The following PAMR1 variants were observed in gnomAD, a reference collection of about 807,000 sequenced individuals.
The protein encoded by PAMR1 is inactive serine protease PAMR1.
PAMR1 carries 88 observed loss-of-function variants against 81.8 expected under a neutral mutation model. That is an observed-to-expected ratio of 1.08 (90% CI 0.91 to 1.28). The LOEUF is 1.28. Among genes scored for constraint, PAMR1 ranks in the 50% most tolerant of loss-of-function variants. The pLI, the probability that PAMR1 is intolerant of heterozygous loss-of-function variation, is 0.00. For missense variants in PAMR1, 935 were observed against 919.7 expected, an observed-to-expected ratio of 1.02 and a Z score of -0.21; for synonymous variants, 336 against 345.3, an observed-to-expected ratio of 0.97 and a Z score of 0.30.
chr11:35,459,516 T>C (rs1031255612), intron 6 of PAMR1, among the ~76,000 whole-genome samples: 2 of 152,140 alleles, frequency 1.3e-5, no homozygotes, highest in Admixed American at 6.5e-5. Flanking sequence ...GGGGAAATGT[T>C]CCCCAGTGGT....
At chr11:35,521,050 T>G (rs1851266325) in intron 1 of PAMR1, among the ~76,000 whole-genome samples, 1 of 152,226 alleles carries the variant, frequency 6.6e-6, no homozygotes, top group Non-Finnish European at 1.5e-5. Flanking sequence ...AGGTCACCTC[T>G]GCTTCTGGGC....
At chr11:35,463,831 A>G (rs1856709390) in intron 6 of PAMR1, among the ~76,000 whole-genome samples, 1 of 152,216 alleles carries the variant, frequency 6.6e-6, no homozygotes, top group Non-Finnish European at 1.5e-5. Context: ...GACAGCTGGT[A>G]CTAGGCCAAA....
At chr11:35,473,226 T>C (rs926378712) in intron 4 of PAMR1, among the ~76,000 whole-genome samples, 1 of 152,216 alleles carries the variant, frequency 6.6e-6, no homozygotes, top group Non-Finnish European at 1.5e-5. Context: ...TCCATCATTA[T>C]TACTGTCCCT....
At chr11:35,436,217 C>A in intron 8 of PAMR1, 82 bp from the exon 9 acceptor site, 1 of 822,982 alleles carries the variant, frequency 1.2e-6, no homozygotes, top group African/African-American at 1.7e-5. Flanking sequence ...TGCCATGTCC[C>A]ATGTAGATAT....
upstream of PAMR1, among the ~76,000 whole-genome samples, chr11:35,526,467 G>A (rs576315653): frequency 1.4e-5 from 2 of 138,620 alleles, no homozygotes; most frequent in Non-Finnish European, 3.3e-5. Context: ...GAGGAAGAAG[G>A]ATGTTTCATA....
At chr11:35,441,067 G>A (rs889342250) in intron 7 of PAMR1, among the ~76,000 whole-genome samples, 1 of 152,138 alleles carries the variant, frequency 6.6e-6, no homozygotes, top group East Asian at 1.9e-4. Flanking sequence ...CCCTCCATAG[G>A]CTGGCAGGGA....
At chr11:35,445,728 G>T (rs1270593057) in intron 6 of PAMR1, among the ~76,000 whole-genome samples, 15 of 152,162 alleles carry the variant, frequency 9.9e-5, no homozygotes, top group Admixed American at 9.8e-4. Context: ...GCTGGATTTG[G>T]TTTGCCAGTA....
At chr11:35,491,970 A>T in intron 3 of PAMR1, 75 bp downstream of exon 3, 2 of 1,310,892 alleles carry the variant, frequency 1.5e-6, no homozygotes, top group East Asian at 2.7e-5. Context: ...CCAAGGAGAT[A>T]AATTTTGGTC....
chr11:35,484,956 A>G (rs1019789834), intron 3 of PAMR1, among the ~76,000 whole-genome samples: 1 of 152,370 alleles, frequency 6.6e-6, no homozygotes, highest in African/African-American at 2.4e-5. Flanking sequence ...TTTTGAGTTT[A>G]AGAAACCCTA....
At chr11:35,442,852 C>T (rs751347494) in intron 6 of PAMR1, among the ~76,000 whole-genome samples, 1 of 152,162 alleles carries the variant, frequency 6.6e-6, no homozygotes, top group Non-Finnish European at 1.5e-5. Context: ...GTCCTCCCAC[C>T]TTGGCCTCCC....
chr11:35,470,594 C>T lies in PAMR1; in HGVS notation c.712+7G>A. On this transcript the variant is annotated splice_region_variant and intron_variant, in intron 5 of 10. Coordinates refer to ENST00000619888, the MANE Select transcript of PAMR1 (RefSeq NM_001001991.3). Reference sequence around the variant, plus strand: ...TAAAATGCCACATTTGTCTCCTTGGCCTTTACCTGTGATCTCCTCATAAAT... The same window carrying T: ...TAAAATGCCACATTTGTCTCCTTGGTCTTTACCTGTGATCTCCTCATAAAT... 10 of 1,610,884 alleles carry T rather than the reference C, an allele frequency of 6.2e-6. No homozygotes were observed. Among genetic ancestry groups the T allele is most frequent in the Non-Finnish European group, 8.5e-6 (10 of 1,177,110 alleles).
At chr11:35,436,171 G>A (rs1486987965) in intron 8 of PAMR1, 36 bp from the exon 9 acceptor site, 2 of 1,425,270 alleles carry the variant, frequency 1.4e-6, no homozygotes, top group East Asian at 4.6e-5. Context: ...GAAAGAGCAG[G>A]GTGAGAGAAA....
At position 35,439,664 on chromosome 11, in the gene PAMR1, C is replaced by T. The variant is rs1269303430; in HGVS notation, c.1063G>A (p.Val355Met). The change falls in exon 8 of 11, where the codon GTG (valine) becomes ATG (methionine). Residue 355 changes from valine to methionine, a missense_variant. Coordinates refer to ENST00000619888, the MANE Select transcript of PAMR1 (RefSeq NM_001001991.3). ...TGCATCGGAAGAACTCTCCTTCTCA[C>T]CAGGTCTGAAATCTTTGGTTCTCGG... The part of the protein sequence containing the change: ...ACREPKISDL[V>M]RRRVLPMQVQ... 1.2e-6 allele frequency: 2 copies of T among 1,613,974 alleles called. No individual in the cohort carries two copies. Among genetic ancestry groups the T allele is most frequent in the East Asian group, 2.2e-5 (1 of 44,888 alleles).
At chr11:35,524,255 G>C (rs1851342683) in intron 1 of PAMR1, among the ~76,000 whole-genome samples, 1 of 152,120 alleles carries the variant, frequency 6.6e-6, no homozygotes, top group Admixed American at 6.5e-5. Flanking sequence ...CACCATGGAG[G>C]CAAAATTCAA....
At chr11:35,456,788 C>G (rs1222823657) in intron 6 of PAMR1, among the ~76,000 whole-genome samples, 3 of 152,168 alleles carry the variant, frequency 2.0e-5, no homozygotes, top group African/African-American at 4.8e-5. Flanking sequence ...ATTGTTGGCT[C>G]TCTCCACAAA....
At chr11:35,447,408 G>A (rs1856319298) in intron 6 of PAMR1, among the ~76,000 whole-genome samples, 1 of 152,064 alleles carries the variant, frequency 6.6e-6, no homozygotes, top group Non-Finnish European at 1.5e-5. Flanking sequence ...GTTTCGCCAT[G>A]TTAGCCAGGA....
intron 6 of PAMR1, among the ~76,000 whole-genome samples, chr11:35,465,865 A>G (rs909869469): frequency 1.3e-5 from 2 of 152,256 alleles, no homozygotes; most frequent in African/African-American, 4.8e-5. Context: ...GAATCAGTTC[A>G]TAGTGACATA....
chr11:35,436,639 TTCTC>T (rs1005205867), intron 8 of PAMR1, among the ~76,000 whole-genome samples: 5 of 136,188 alleles, frequency 3.7e-5, no homozygotes, highest in East Asian at 2.2e-4. Context: ...GTCTCTCTGT[TTCTC>T]TCTCTCTCTC....
chr11:35,432,499 G>A lies in PAMR1; in HGVS notation c.2020C>T (p.Pro674Ser), dbSNP rs1367705145. 1.2e-6 allele frequency: 2 copies of A among 1,614,118 alleles called. No homozygotes were observed. Among genetic ancestry groups the A allele is most frequent in the Non-Finnish European group, 1.7e-6 (2 of 1,180,064 alleles). Residue 674 changes from proline to serine, a missense_variant, in exon 11 of 11, where the codon CCG becomes TCG. Coordinates refer to ENST00000619888, the MANE Select transcript of PAMR1 (RefSeq NM_001001991.3). ...CGTGGCTCAGGAGATGCTCGTCCCG[G>A]GAAGGACACAGCCGCGATGCCTCCT... ...ETGGIAAVSF[P>S]GRASPEPRWH...
Sources: gnomAD v4.1 joint callset for allele counts (sites outside exome capture counted in the v4.1 genomes callset) on GRCh38, gnomAD v4.1.1 for gene constraint, MANE v1.5 for transcripts, NCBI Gene and HGNC (gene_info 2026-07-23, HGNC 2026-07-21) for gene names.